Variants in SRBD1 observed in about 807,000 individuals in gnomAD.
The protein encoded by SRBD1 is S1 RNA-binding domain-containing protein 1.
A neutral mutation model predicts 115.3 loss-of-function variants in SRBD1; 88 were observed. The observed-to-expected ratio is 0.76, with a 90% CI of 0.64 to 0.91. The LOEUF is 0.91. SRBD1 is among the 40% of genes least tolerant of loss of function. The pLI is 0.00. For synonymous variants in SRBD1, 509 were observed against 407.7 expected (o/e 1.25, Z -2.99); for missense variants, 1,385 against 1,177.4 (o/e 1.18, Z -2.58).
chr2:45,536,954 C>T (rs564680505), intron 14 of SRBD1, among the ~76,000 whole-genome samples: 1 of 152,206 alleles, frequency 6.6e-6, no homozygotes, highest in African/African-American at 2.4e-5. Flanking sequence ...ACCCAGTACA[C>T]ATATATACAT....
chr2:45,409,418 A>T (rs1445712737), intron 19 of SRBD1, among the ~76,000 whole-genome samples: 1 of 151,918 alleles, frequency 6.6e-6, no homozygotes, highest in Non-Finnish European at 1.5e-5. Context: ...TATTAAAAAA[A>T]TCTGAACCAT....
intron 14 of SRBD1, among the ~76,000 whole-genome samples, chr2:45,541,493 G>A (rs1217668635): frequency 1.3e-5 from 2 of 152,236 alleles, no homozygotes; most frequent in Non-Finnish European, 2.9e-5. Context: ...GAAGAATGAG[G>A]TATGTGGACA....
At chr2:45,477,144 T>C (rs914520929) in intron 15 of SRBD1, 69 bp from the exon 16 acceptor site, 1 of 1,265,604 alleles carries the variant, frequency 7.9e-7, no homozygotes, top group Non-Finnish European at 1.1e-6. Flanking sequence ...TTACTTACAT[T>C]AGTTTCTCAT....
chr2:45,406,959 C>T (rs1264459419), intron 19 of SRBD1, among the ~76,000 whole-genome samples: 1 of 151,814 alleles, frequency 6.6e-6, no homozygotes, highest in Non-Finnish European at 1.5e-5. Flanking sequence ...CTTTAGGGTA[C>T]AATACCTTTA....
chr2:45,396,978 A>C (rs374619627), intron 19 of SRBD1, among the ~76,000 whole-genome samples: 57 of 152,284 alleles, frequency 3.7e-4, no homozygotes, highest in Admixed American at 1.4e-3. Context: ...TATAAGGGCA[A>C]AGTACATCTA....
At chr2:45,574,826 CTTAAG>C in intron 7 of SRBD1, 103 bp from the exon 8 acceptor site, 1 of 975,104 alleles carries the variant, frequency 1.0e-6, no homozygotes, top group African/African-American at 1.6e-5. Context: ...AAAATAAAAC[CTTAAG>C]TTGACAGTCT....
rs79493189 is a variant in SRBD1 at position 45,551,996 on chromosome 2, C to T, written c.1518-714G>A. ...ATGATGTCCTGAATTAAGACAGTCA[C>T]CACGGAGATAAAGGGGAGGAAAAAT... On this transcript the variant is annotated intron_variant, in intron 11 of 20. Coordinates refer to ENST00000263736, the MANE Select transcript of SRBD1 (RefSeq NM_018079.5). 1.7e-3 allele frequency among the ~76,000 whole-genome samples: 256 copies of T among 152,158 alleles called. 1 individual carries two copies. The highest frequency in any genetic ancestry group is 5.9e-3 in the African/African-American group (246 of 41,520).
At chr2:45,442,586 G>C (rs1199974390) in intron 16 of SRBD1, among the ~76,000 whole-genome samples, 6 of 152,206 alleles carry the variant, frequency 3.9e-5, no homozygotes, top group Non-Finnish European at 8.8e-5. Context: ...ACCAGGGAGA[G>C]AATCCTACGG....
At chr2:45,605,558 T>A (rs1381802275) in intron 1 of SRBD1, 117 bp from the exon 2 acceptor site, 3 of 954,980 alleles carry the variant, frequency 3.1e-6, no homozygotes, top group Non-Finnish European at 4.8e-6. Context: ...AAAACAATGA[T>A]GTTTATTCAC....
At chr2:45,571,335 G>T (rs1307484385) in intron 9 of SRBD1, among the ~76,000 whole-genome samples, 3 of 151,624 alleles carry the variant, frequency 2.0e-5, no homozygotes, top group Admixed American at 1.3e-4. Context: ...TAACTAGATG[G>T]TTACTAAGCT....
At chr2:45,581,938 A>G in intron 5 of SRBD1, 128 bp from the exon 6 acceptor site, 1 of 704,432 alleles carries the variant, frequency 1.4e-6, no homozygotes, top group Non-Finnish European at 2.5e-6. Context: ...ACTGTTTGAG[A>G]ATAAGTTAAC....
At chr2:45,514,289 G>T (rs1477246) in intron 14 of SRBD1, among the ~76,000 whole-genome samples, 3 of 151,824 alleles carry the variant, frequency 2.0e-5, no homozygotes, top group African/African-American at 4.8e-5. Flanking sequence ...CACATTCAAC[G>T]AAGTGGTGAA....
At chr2:45,573,092 A>C in intron 9 of SRBD1, 115 bp downstream of exon 9, 1 of 1,174,456 alleles carries the variant, frequency 8.5e-7, no homozygotes, top group East Asian at 2.8e-5. Flanking sequence ...ATTTATATAA[A>C]GAAAAAAGAA....
chr2:45,419,107 T>C (rs1415385593), intron 17 of SRBD1, among the ~76,000 whole-genome samples: 4 of 152,226 alleles, frequency 2.6e-5, no homozygotes, highest in Non-Finnish European at 5.9e-5. Context: ...CTCAACTCTA[T>C]TATAAAATTC....
intron 9 of SRBD1, among the ~76,000 whole-genome samples, chr2:45,568,654 C>G (rs1445640843): frequency 6.6e-6 from 1 of 152,110 alleles, no homozygotes; most frequent in Non-Finnish European, 1.5e-5. Context: ...GCTACACACA[C>G]TAGTTAAAAT....
intron 16 of SRBD1, chr2:45,447,574 G>A (rs1277884739): frequency 6.6e-6 from 1 of 152,154 alleles, no homozygotes; most frequent in Non-Finnish European, 1.5e-5. Flanking sequence ...CCATATAGAA[G>A]GCAATTTTCT....
intron 14 of SRBD1, among the ~76,000 whole-genome samples, chr2:45,517,488 G>A (rs17322412): frequency 3.9e-5 from 6 of 152,068 alleles, no homozygotes; most frequent in African/African-American, 7.2e-5. Context: ...GCAATTTCAC[G>A]GCAATGAAAG....
chr2:45,503,247 A>C (rs1349485232), intron 14 of SRBD1, among the ~76,000 whole-genome samples: 1 of 152,216 alleles, frequency 6.6e-6, no homozygotes, highest in Non-Finnish European at 1.5e-5. Context: ...TTAATATATT[A>C]TGGAATAAAT....
chr2:45,541,692 G>A (rs1671944688), intron 14 of SRBD1, among the ~76,000 whole-genome samples: 3 of 152,182 alleles, frequency 2.0e-5, no homozygotes, highest in Admixed American at 6.5e-5. Flanking sequence ...CCAGCTCCCA[G>A]TGGAGAGGAG....
Sources: gnomAD v4.1 joint callset for allele counts (sites outside exome capture counted in the v4.1 genomes callset) on GRCh38, gnomAD v4.1.1 for gene constraint, MANE v1.5 for transcripts, NCBI Gene and HGNC (gene_info 2026-07-23, HGNC 2026-07-21) for gene names.